Variants in CTNND2 observed in about 807,000 individuals in gnomAD.
The protein encoded by CTNND2 is catenin delta 2, also known as catenin delta-2.
CTNND2 carries 22 observed loss-of-function variants against 144.4 expected under a neutral mutation model. The ratio of observed to expected loss-of-function variants is 0.15; its 90% confidence interval spans 0.11 to 0.22. CTNND2 has a LOEUF of 0.22. Among genes scored for constraint, CTNND2 ranks in the 10% least tolerant of loss-of-function variants. The pLI is 1.00. For synonymous variants in CTNND2, 751 were observed against 695.6 expected, an observed-to-expected ratio of 1.08 and a Z score of -1.25; for missense variants, 1,353 against 1,618.8, an observed-to-expected ratio of 0.84 and a Z score of 2.82.
intron 1 of CTNND2, among the ~76,000 whole-genome samples, chr5:11,857,918 G>T (rs1795327405): frequency 6.6e-6 from 1 of 152,184 alleles, no homozygotes; most frequent in Non-Finnish European, 1.5e-5. Flanking sequence ...GATCAGGATG[G>T]CTGTGAAATG....
At chr5:11,261,307 T>G (rs545935286) in intron 9 of CTNND2, among the ~76,000 whole-genome samples, 1 of 152,218 alleles carries the variant, frequency 6.6e-6, no homozygotes, top group Non-Finnish European at 1.5e-5. Context: ...ACAAGGGGCA[T>G]GGGCTTGAGC....
chr5:11,834,422 CA>C (rs937494213), intron 1 of CTNND2, among the ~76,000 whole-genome samples: 1 of 151,946 alleles, frequency 6.6e-6, no homozygotes, highest in African/African-American at 2.4e-5. Flanking sequence ...AATATAAATA[CA>C]AAAAAGTCTT....
intron 2 of CTNND2, among the ~76,000 whole-genome samples, chr5:11,656,023 T>A (rs1782896382): frequency 6.6e-6 from 1 of 152,124 alleles, no homozygotes; most frequent in Admixed American, 6.6e-5. Context: ...AAAAATTATT[T>A]TAGTTTTAAA....
intron 7 of CTNND2, among the ~76,000 whole-genome samples, chr5:11,373,916 G>C (rs1047105380): frequency 1.3e-5 from 2 of 152,076 alleles, no homozygotes; most frequent in Non-Finnish European, 2.9e-5. Context: ...CTACACCTAG[G>C]GGCATGTCCC....
chr5:11,613,295 C>T (rs968950208), intron 2 of CTNND2, among the ~76,000 whole-genome samples: 5 of 151,714 alleles, frequency 3.3e-5, no homozygotes, highest in African/African-American at 1.2e-4. Flanking sequence ...TGTAGATAAA[C>T]GTGTGTGTAT....
chr5:11,787,963 T>C (rs946153683), intron 1 of CTNND2, among the ~76,000 whole-genome samples: 2 of 152,240 alleles, frequency 1.3e-5, no homozygotes, highest in Non-Finnish European at 1.5e-5. Flanking sequence ...CATTCATTTA[T>C]AGAACATTGC....
chr5:11,111,113 G>T, intron 13 of CTNND2, 70 bp from the exon 14 acceptor site: 1 of 1,488,510 alleles, frequency 6.7e-7, no homozygotes. Flanking sequence ...CTTCCACCTG[G>T]AAAGGCCTCT....
chr5:11,859,118 C>T (rs1043280376), intron 1 of CTNND2, among the ~76,000 whole-genome samples: 1 of 152,196 alleles, frequency 6.6e-6, no homozygotes, highest in East Asian at 1.9e-4. Flanking sequence ...CAGACACACA[C>T]TGAACCACTG....
intron 1 of CTNND2, among the ~76,000 whole-genome samples, chr5:11,750,629 G>C (rs1258669151): frequency 6.6e-6 from 1 of 151,774 alleles, no homozygotes; most frequent in African/African-American, 2.4e-5. Context: ...AGTCCTACTG[G>C]AAAAATATTT....
At chr5:11,718,805 T>C (rs1481376414) in intron 2 of CTNND2, among the ~76,000 whole-genome samples, 3 of 152,180 alleles carry the variant, frequency 2.0e-5, no homozygotes. Flanking sequence ...GCTCATTTAT[T>C]ATTATTTTTT....
At chr5:11,004,241 G>A (rs962184996) in intron 18 of CTNND2, among the ~76,000 whole-genome samples, 26 of 152,204 alleles carry the variant, frequency 1.7e-4, no homozygotes, top group African/African-American at 6.0e-4. Context: ...TGACTTGGAT[G>A]AGCTTTAACA....
At chr5:11,641,259 C>T (rs1168900866) in intron 2 of CTNND2, among the ~76,000 whole-genome samples, 1 of 151,990 alleles carries the variant, frequency 6.6e-6, no homozygotes, top group Non-Finnish European at 1.5e-5. Context: ...AACACTTTAA[C>T]TCTCTCAGAC....
At chr5:11,370,936 T>C (rs1348242118) in intron 7 of CTNND2, among the ~76,000 whole-genome samples, 9 of 152,144 alleles carry the variant, frequency 5.9e-5, no homozygotes, top group Non-Finnish European at 2.9e-5. Flanking sequence ...TGAAGAAAAA[T>C]CCAAAATAAA....
chr5:11,833,627 G>A (rs565774960), intron 1 of CTNND2, among the ~76,000 whole-genome samples: 11 of 152,010 alleles, frequency 7.2e-5, no homozygotes, highest in Non-Finnish European at 1.3e-4. Flanking sequence ...AGGTTGAAGC[G>A]ATTCTCCTGC....
At chr5:11,725,988 C>T (rs886897268) in intron 2 of CTNND2, among the ~76,000 whole-genome samples, 15 of 152,200 alleles carry the variant, frequency 9.9e-5, no homozygotes, top group Admixed American at 1.3e-4. Context: ...GCACAGCGCA[C>T]TGACTATTTT....
At chr5:11,175,136 C>T (rs1349242325) in intron 11 of CTNND2, among the ~76,000 whole-genome samples, 2 of 151,586 alleles carry the variant, frequency 1.3e-5, no homozygotes, top group Non-Finnish European at 2.9e-5. Context: ...TTTTTTTTTA[C>T]ATAGTAATTT....
intron 3 of CTNND2, among the ~76,000 whole-genome samples, chr5:11,453,864 A>G (rs61760261): frequency 1.9e-4 from 29 of 152,312 alleles, no homozygotes; most frequent in African/African-American, 7.0e-4. Context: ...CTCTTCTTGA[A>G]AATCATTTAT....
chr5:11,875,631 C>T (rs866569770), intron 1 of CTNND2, among the ~76,000 whole-genome samples: 9 of 152,080 alleles, frequency 5.9e-5, no homozygotes, highest in African/African-American at 2.2e-4. Flanking sequence ...ACAACTCTGC[C>T]ATGTGAGGGC....
At chr5:11,240,205 AC>A (rs1206238745) in intron 9 of CTNND2, among the ~76,000 whole-genome samples, 4 of 95,070 alleles carry the variant, frequency 4.2e-5, no homozygotes, top group Admixed American at 1.2e-4. Context: ...ACACACACAC[AC>A]CCCCAACACA....
Sources: allele counts gnomAD v4.1 joint callset (sites outside exome capture counted in the v4.1 genomes callset), GRCh38; gene constraint gnomAD v4.1.1; transcripts MANE v1.5; gene names NCBI Gene and HGNC (gene_info 2026-07-23, HGNC 2026-07-21).